Variants in DOCK11 observed in about 807,000 individuals in gnomAD.
DOCK11 encodes dedicator of cytokinesis 11, also known as dedicator of cytokinesis protein 11.
DOCK11 carries 70 observed loss-of-function variants against 169.1 expected under a neutral mutation model. That is an observed-to-expected ratio of 0.41 (90% CI 0.34 to 0.51). The LOEUF (loss-of-function observed/expected upper bound fraction) is 0.51. Ranked by LOEUF, DOCK11 falls within the 20% of genes least tolerant of loss-of-function variation. DOCK11 has a pLI of 0.10. For synonymous variants in DOCK11, 529 were observed against 541.3 expected, an observed-to-expected ratio of 0.98 and a Z score of 0.32; for missense variants, 1,166 against 1,538.8, an observed-to-expected ratio of 0.76 and a Z score of 4.05.
intron 32 of DOCK11, among the ~76,000 whole-genome samples, chrX:118,626,019 C>T (rs1394059121): frequency 1.8e-5 from 2 of 110,108 alleles, no homozygotes; most frequent in African/African-American, 6.6e-5. Flanking sequence ...AAATTTTTCT[C>T]CAAGCCACCA....
At chrX:118,616,265 A>T in intron 30 of DOCK11, 1 of 941,929 alleles carries the variant, frequency 1.1e-6, no homozygotes, top group Non-Finnish European at 1.4e-6. Context: ...GTTCACTCTA[A>T]ATTAGCTTGC....
intron 6 of DOCK11, among the ~76,000 whole-genome samples, chrX:118,558,572 T>C (rs1196091660): frequency 1.8e-5 from 2 of 112,259 alleles, no homozygotes; most frequent in African/African-American, 3.2e-5. Context: ...TTGATTTCCA[T>C]GAGAGAGATT....
At chrX:118,569,217 C>T (rs781578936) in intron 10 of DOCK11, among the ~76,000 whole-genome samples, 2 of 106,658 alleles carry the variant, frequency 1.9e-5, no homozygotes, top group South Asian at 4.2e-4. Flanking sequence ...CTCAGCCTCC[C>T]GAGTAGCTGG....
intron 6 of DOCK11, among the ~76,000 whole-genome samples, chrX:118,553,251 T>G (rs767702040): frequency 8.9e-6 from 1 of 112,349 alleles, no homozygotes; most frequent in Admixed American, 9.5e-5. Flanking sequence ...AGGAATTTAA[T>G]GTGGGTTTAG....
Position 118,654,747 on chromosome X carries a change from C to A in DOCK11, c.4841C>A (p.Thr1614Asn), listed in dbSNP as rs764343134. The change falls in exon 43 of 53, where the codon ACC becomes AAC. Residue 1614 changes from threonine (T) to asparagine (N), a missense_variant. Physicochemically the swap from Thr to Asn is moderately conservative, Grantham distance 65 (BLOSUM62 0). Coordinates refer to ENST00000276202, the MANE Select transcript of DOCK11 (RefSeq NM_144658.4). Reference protein sequence around the residue: ...QYSLAKSYASTPELRKTWLDS... With the variant: ...QYSLAKSYASNPELRKTWLDS... The stretch of plus-strand genomic sequence containing the variant: ...AGCTTAGCCAAGTCCTATGCAAGCA[C>A]CCCAGAGCTCAGGAAAACCTGGCTT... 1 of 1,211,742 alleles carries A rather than the reference C, an allele frequency of 8.3e-7. No homozygotes were observed.
chrX:118,578,851 T>C (rs1258784544), intron 13 of DOCK11, among the ~76,000 whole-genome samples: 2 of 112,329 alleles, frequency 1.8e-5, no homozygotes, highest in Non-Finnish European at 1.9e-5. Flanking sequence ...TGCTTGATTA[T>C]CAAAATAAGA....
intron 1 of DOCK11, among the ~76,000 whole-genome samples, chrX:118,541,479 G>C (rs774440808): frequency 2.0e-4 from 22 of 111,833 alleles, no homozygotes; most frequent in Non-Finnish European, 3.9e-4. Context: ...GTCAGCCATG[G>C]GTGTGCAGAA....
chrX:118,620,244 T>A (rs2014938628), intron 31 of DOCK11, among the ~76,000 whole-genome samples: 1 of 112,199 alleles, frequency 8.9e-6, no homozygotes, highest in Non-Finnish European at 1.9e-5. Flanking sequence ...CATAAATCAC[T>A]CTAGGAAACA....
intron 1 of DOCK11, among the ~76,000 whole-genome samples, chrX:118,502,008 C>T (rs1244248178): frequency 8.9e-6 from 1 of 111,810 alleles, no homozygotes; most frequent in Non-Finnish European, 1.9e-5. Context: ...AATCTGCTTA[C>T]AGACTTATTT....
intron 38 of DOCK11, among the ~76,000 whole-genome samples, chrX:118,640,500 A>G (rs766908657): frequency 2.7e-5 from 3 of 112,510 alleles, no homozygotes; most frequent in East Asian, 5.6e-4. Context: ...AACAAATGTC[A>G]TATAATTGGC....
chrX:118,553,871 T>G (rs2012587326), intron 6 of DOCK11, among the ~76,000 whole-genome samples: 1 of 112,545 alleles, frequency 8.9e-6, no homozygotes, highest in Non-Finnish European at 1.9e-5. Context: ...ATGCATAAGA[T>G]TTTTTCATTA....
intron 13 of DOCK11, among the ~76,000 whole-genome samples, chrX:118,579,193 G>T (rs2013547575): frequency 8.9e-6 from 1 of 112,473 alleles, no homozygotes; most frequent in African/African-American, 3.2e-5. Context: ...TTAAATGGCA[G>T]GGATTTAAAA....
chrX:118,559,228 A>AG (rs1394130402), intron 6 of DOCK11, among the ~76,000 whole-genome samples: 2 of 111,389 alleles, frequency 1.8e-5, no homozygotes, highest in African/African-American at 3.3e-5. Flanking sequence ...GTGAAAAAAA[A>AG]ATTTCTCAGA....
At chrX:118,614,387 T>C (rs1007249750) in intron 28 of DOCK11, among the ~76,000 whole-genome samples, 1 of 111,035 alleles carries the variant, frequency 9.0e-6, no homozygotes, top group African/African-American at 3.3e-5. Context: ...ATTACAGATA[T>C]GTATGTGTGT....
intron 1 of DOCK11, among the ~76,000 whole-genome samples, chrX:118,522,296 G>A (rs1196664393): frequency 9.1e-6 from 1 of 110,209 alleles, no homozygotes; most frequent in Non-Finnish European, 1.9e-5. Context: ...TCCAGCCTGG[G>A]GTCAGAGTGA....
intron 6 of DOCK11, among the ~76,000 whole-genome samples, chrX:118,561,055 G>C (rs781520069): frequency 8.9e-6 from 1 of 112,063 alleles, no homozygotes; most frequent in East Asian, 2.8e-4. Flanking sequence ...TTAAAATGAT[G>C]TAATCATGGT....
At chrX:118,605,155 T>C (rs112166169) in intron 23 of DOCK11, 83 bp from the exon 24 acceptor site, 8 of 588,990 alleles carry the variant, frequency 1.4e-5, no homozygotes, top group African/African-American at 9.1e-5. Context: ...TATTTCTCAC[T>C]ACTTAATTTT....
chrX:118,574,716 T>G (rs1330602188), intron 12 of DOCK11, among the ~76,000 whole-genome samples: 1 of 112,375 alleles, frequency 8.9e-6, no homozygotes, highest in East Asian at 2.8e-4. Flanking sequence ...GATTTTCATG[T>G]CCATTATGAG....
intron 23 of DOCK11, among the ~76,000 whole-genome samples, chrX:118,603,712 T>C (rs2014410041): frequency 8.9e-6 from 1 of 112,457 alleles, no homozygotes; most frequent in Non-Finnish European, 1.9e-5. Flanking sequence ...TTGTTTTTGG[T>C]GTGCTTGGCT....
Sources: allele counts gnomAD v4.1 joint callset (sites outside exome capture counted in the v4.1 genomes callset), GRCh38; gene constraint gnomAD v4.1.1; transcripts MANE v1.5; gene names NCBI Gene and HGNC (gene_info 2026-07-23, HGNC 2026-07-21).